The following CPNE4 variants were observed in gnomAD, a reference collection of about 807,000 sequenced individuals.
CPNE4 encodes copine 4.
A neutral mutation model predicts 67.9 loss-of-function variants in CPNE4; 25 were observed. The ratio of observed to expected loss-of-function variants is 0.37; its 90% confidence interval spans 0.27 to 0.51. The LOEUF is 0.51. Ranked by LOEUF, CPNE4 falls within the 20% of genes least tolerant of loss-of-function variation. The pLI is 0.93. For missense variants in CPNE4, 464 were observed against 690.8 expected, an observed-to-expected ratio of 0.67 and a Z score of 3.68; for synonymous variants, 242 against 244.9, an observed-to-expected ratio of 0.99 and a Z score of 0.11.
At chr3:131,891,784 T>C (rs2088127940) in intron 2 of CPNE4, among the ~76,000 whole-genome samples, 1 of 152,144 alleles carries the variant, frequency 6.6e-6, no homozygotes, top group Non-Finnish European at 1.5e-5. Flanking sequence ...TCGTATTTCA[T>C]AGTGTATATG....
chr3:131,930,998 G>A (rs2071044335), intron 1 of CPNE4, among the ~76,000 whole-genome samples: 1 of 152,096 alleles, frequency 6.6e-6, no homozygotes, highest in Admixed American at 6.6e-5. Flanking sequence ...AGGATGGTAA[G>A]GGTGTTGATC....
intron 1 of CPNE4, among the ~76,000 whole-genome samples, chr3:131,979,044 G>T (rs1369462986): frequency 6.6e-6 from 1 of 152,110 alleles, no homozygotes; most frequent in South Asian, 2.1e-4. Context: ...TTCCACTGTG[G>T]TCTGAGAGAG....
chr3:131,665,531 C>T (rs906894486), intron 7 of CPNE4, among the ~76,000 whole-genome samples: 3 of 151,912 alleles, frequency 2.0e-5, no homozygotes, highest in Admixed American at 1.3e-4. Flanking sequence ...TGGTGGCACA[C>T]GCCTGTAATC....
Position 131,534,972 on chromosome 3 carries a change from T to G in CPNE4, c.*223A>C. ...ATGTAAATAGTAAGTTATTGTTATC[T>G]GTGTTTCTTTGTAAAAAGTTAACAA... On this transcript the variant is annotated 3_prime_UTR_variant, in exon 16 of 16. Transcript: ENST00000429747. The G allele has an allele frequency of 2.7e-6, 1 of 365,972 alleles. No homozygotes were observed. The highest frequency in any genetic ancestry group is 4.9e-6 in the Non-Finnish European group (1 of 205,960). 22.7% of individuals were successfully genotyped at this position (365,972 alleles called of 1,614,324 possible). A position where few individuals can be genotyped will look rare whatever the true frequency, so the allele number is the denominator to read the frequency against.
chr3:131,874,718 C>T (rs1440501002), intron 2 of CPNE4, among the ~76,000 whole-genome samples: 1 of 152,150 alleles, frequency 6.6e-6, no homozygotes, highest in East Asian at 1.9e-4. Flanking sequence ...ATTTAAAAAC[C>T]TGTTTCACTG....
chr3:131,558,112 CA>C (rs1221602269), intron 11 of CPNE4, among the ~76,000 whole-genome samples: 1 of 151,802 alleles, frequency 6.6e-6, no homozygotes, highest in Non-Finnish European at 1.5e-5. Context: ...AATCGAGTTT[CA>C]AGAGTAGGAA....
At chr3:131,953,995 C>A (rs1020633802) in intron 1 of CPNE4, among the ~76,000 whole-genome samples, 1 of 152,030 alleles carries the variant, frequency 6.6e-6, no homozygotes, top group African/African-American at 2.4e-5. Context: ...ATCAAAATAT[C>A]ACATACACCC....
chr3:131,986,623 C>T (rs2073049731), intron 1 of CPNE4, among the ~76,000 whole-genome samples: 1 of 152,080 alleles, frequency 6.6e-6, no homozygotes, highest in Non-Finnish European at 1.5e-5. Context: ...GGAGGCTGGG[C>T]CCGGTGGCTC....
chr3:131,639,609 G>C (rs559058835), intron 7 of CPNE4, among the ~76,000 whole-genome samples: 1 of 151,904 alleles, frequency 6.6e-6, no homozygotes, highest in African/African-American at 2.4e-5. Flanking sequence ...TTCTATTGAC[G>C]TTATTACAAA....
chr3:131,986,438 G>A (rs190158193), intron 1 of CPNE4, among the ~76,000 whole-genome samples: 195 of 152,278 alleles, frequency 1.3e-3, no homozygotes, highest in African/African-American at 4.5e-3. Flanking sequence ...ACAACCTAAT[G>A]GCTTAAGTGC....
chr3:131,718,640 G>A lies in CPNE4; in HGVS notation c.360+4806C>T, dbSNP rs182000028. Among the ~76,000 whole-genome samples, 30 of 152,238 alleles carry A rather than the reference G, an allele frequency of 2.0e-4. 1 individual carries two copies. In the Middle Eastern group the frequency reaches 0.02, roughly 104 times the overall value. ...GTGAGACTCCCCTGCTTCACTTTAG[G>A]TAGAGGTCTTTCCCCTACAGCCCTT... is the stretch of plus-strand genomic sequence containing the variant. On this transcript the variant is annotated intron_variant, in intron 3 of 15. Coordinates refer to ENST00000429747, the MANE Select transcript of CPNE4 (RefSeq NM_130808.3).
chr3:132,013,587 C>T (rs1485878753), intron 1 of CPNE4, among the ~76,000 whole-genome samples: 4 of 152,202 alleles, frequency 2.6e-5, no homozygotes, highest in Non-Finnish European at 5.9e-5. Context: ...CATAATTCCT[C>T]CAAAGTAAAG....
intron 1 of CPNE4, among the ~76,000 whole-genome samples, chr3:131,984,062 CT>C (rs1296804225): frequency 6.6e-6 from 1 of 152,194 alleles, no homozygotes; most frequent in Non-Finnish European, 1.5e-5. Flanking sequence ...AGCTCAGCAT[CT>C]GAGACAACTC....
chr3:131,739,598 GA>G (rs2082313546), intron 2 of CPNE4, among the ~76,000 whole-genome samples: 2 of 152,322 alleles, frequency 1.3e-5, no homozygotes, highest in South Asian at 4.1e-4. Flanking sequence ...TGGTAGAGAA[GA>G]AACAACTAAC....
At chr3:131,904,027 T>A (rs1205842233) in intron 2 of CPNE4, among the ~76,000 whole-genome samples, 5 of 152,074 alleles carry the variant, frequency 3.3e-5, no homozygotes, top group Admixed American at 3.3e-4. Flanking sequence ...ACCCAAGTCA[T>A]CTCTTAACAA....
In CPNE4 at chr3:131,723,499, T is replaced by C; in HGVS notation, c.307A>G (p.Asn103Asp). ...AGGAAGTCGGCCTCCTTCAGCCCAT[T>C]GTGGTTGCTGCTGATGTCATGGACT... ...FEVHDISSNH[N>D]GLKEADFLGG... Residue 103 changes from asparagine (N) to aspartate (D), a missense_variant, in exon 3 of 16, where the codon AAT becomes GAT. Transcript: ENST00000429747. 1.2e-6 allele frequency: 2 copies of C among 1,613,786 alleles called. No individual in the cohort carries two copies. The highest frequency in any genetic ancestry group is 1.1e-5 in the South Asian group (1 of 91,058).
At chr3:131,821,822 C>T (rs959844265) in intron 2 of CPNE4, among the ~76,000 whole-genome samples, 1 of 152,162 alleles carries the variant, frequency 6.6e-6, no homozygotes, top group African/African-American at 2.4e-5. Flanking sequence ...CTTCCTGCTT[C>T]CCAGACCTCT....
chr3:131,786,465 T>G (rs374005122), intron 2 of CPNE4, among the ~76,000 whole-genome samples: 2 of 152,194 alleles, frequency 1.3e-5, no homozygotes, highest in African/African-American at 4.8e-5. Flanking sequence ...GAATTTACTT[T>G]GTGACAGATA....
chr3:132,006,232 G>A (rs1318532966), intron 1 of CPNE4, among the ~76,000 whole-genome samples: 2 of 152,114 alleles, frequency 1.3e-5, no homozygotes, highest in African/African-American at 4.8e-5. Context: ...TGGCTATGCA[G>A]GAGTCAATCC....
Sources: allele counts gnomAD v4.1 joint callset (sites outside exome capture counted in the v4.1 genomes callset), GRCh38; gene constraint gnomAD v4.1.1; transcripts MANE v1.5; gene names NCBI Gene and HGNC (gene_info 2026-07-23, HGNC 2026-07-21).